DNM2: variants seen among roughly 807,000 people sequenced by gnomAD.
DNM2 encodes dynamin 2, also known as dynamin-2.
In DNM2, 15 loss-of-function variants were observed where a neutral mutation model predicts 99.0. The ratio of observed to expected loss-of-function variants is 0.15; its 90% CI spans 0.10 to 0.23. The LOEUF is 0.23. Among genes scored for constraint, DNM2 ranks in the 10% least tolerant of loss-of-function variants. DNM2 has a pLI of 1.00. For missense variants in DNM2, 742 were observed against 1,189.4 expected, an observed-to-expected ratio of 0.62 and a Z score of 5.53; for synonymous variants, 525 against 481.2, an observed-to-expected ratio of 1.09 and a Z score of -1.19.
chr19:10,782,408 A>C (rs1435313603), intron 5 of DNM2, among the ~76,000 whole-genome samples: 1 of 142,324 alleles, frequency 7.0e-6, no homozygotes, highest in Non-Finnish European at 1.5e-5. Context: ...GCCCAGGCTG[A>C]AGTGTAGTTG....
chr19:10,798,879 G>A (rs2072033740), intron 11 of DNM2, among the ~76,000 whole-genome samples: 2 of 152,012 alleles, frequency 1.3e-5, no homozygotes, highest in South Asian at 2.1e-4. Context: ...GAGCGGTTCC[G>A]TCACCTCCTA....
chr19:10,759,086 C>T (rs1210563583), intron 1 of DNM2, among the ~76,000 whole-genome samples: 5 of 152,172 alleles, frequency 3.3e-5, no homozygotes, highest in Admixed American at 6.5e-5. Context: ...GGATCACAGG[C>T]GTGGGCCACC....
rs1473647722 is a variant in DNM2, at chr19:10,775,015, C to T, written c.386-688C>T. On this transcript the variant is annotated intron_variant, in intron 3 of 20. Transcript: ENST00000389253. The surrounding 1 kb of genome is among the most constrained non-coding windows in gnomAD (Gnocchi z 4.3). ...CGAACTCCTGAGCTCAAGTGATCTA[C>T]CCATCATGGCCTCCCAAAGTGCTGG... Among the ~76,000 whole-genome samples the T allele has an allele frequency of 6.6e-6, 1 of 152,042 alleles. No individual in the cohort carries two copies. Among genetic ancestry groups the T allele is most frequent in the Non-Finnish European group, 1.5e-5 (1 of 68,010 alleles).
chr19:10,754,797 G>A (rs184847880), intron 1 of DNM2, among the ~76,000 whole-genome samples: 2 of 151,948 alleles, frequency 1.3e-5, no homozygotes, highest in Admixed American at 1.3e-4. Context: ...TCGTTATGTT[G>A]CCCAGGCTGG....
chr19:10,753,448 C>G (rs2070274489), intron 1 of DNM2, among the ~76,000 whole-genome samples: 1 of 137,514 alleles, frequency 7.3e-6, no homozygotes, highest in Non-Finnish European at 1.5e-5. Flanking sequence ...TTCCCTTTCC[C>G]TTTTCCTTCT....
chr19:10,785,870 G>A (rs1006462485), intron 6 of DNM2, among the ~76,000 whole-genome samples: 5 of 151,748 alleles, frequency 3.3e-5, no homozygotes, highest in Non-Finnish European at 5.9e-5. Flanking sequence ...GAGTGCCATT[G>A]TGTGATCTCG....
intron 1 of DNM2, among the ~76,000 whole-genome samples, chr19:10,744,374 G>A (rs1248207379): frequency 6.6e-6 from 1 of 152,132 alleles, no homozygotes; most frequent in Non-Finnish European, 1.5e-5. Flanking sequence ...AAGACCTCAA[G>A]AACGGGTCCG....
chr19:10,792,722 C>T (rs1368241351), intron 7 of DNM2, among the ~76,000 whole-genome samples: 1 of 152,100 alleles, frequency 6.6e-6, no homozygotes, highest in Non-Finnish European at 1.5e-5. Flanking sequence ...GTTCTCCTGC[C>T]TCAGCCTCCC....
chr19:10,809,268 T>C (rs2072457660), intron 14 of DNM2: 1 of 152,314 alleles, frequency 6.6e-6, no homozygotes, highest in Non-Finnish European at 1.5e-5. Flanking sequence ...GCCTCTTTCC[T>C]AGATGCTGCC....
At chr19:10,827,877 G>GA (rs984110858) in intron 18 of DNM2, among the ~76,000 whole-genome samples, 4 of 146,126 alleles carry the variant, frequency 2.7e-5, no homozygotes, top group African/African-American at 5.0e-5. Flanking sequence ...CAAAAAAAAA[G>GA]AAAAAAAAAA....
chr19:10,822,691 G>A (rs185081755), intron 16 of DNM2, among the ~76,000 whole-genome samples: 75 of 151,900 alleles, frequency 4.9e-4, no homozygotes, highest in African/African-American at 1.7e-3. Context: ...TATTGACGGG[G>A]TTTCACCATG....
At chr19:10,803,777 C>T (rs980289971) in intron 12 of DNM2, 9 of 834,042 alleles carry the variant, frequency 1.1e-5, no homozygotes, top group South Asian at 5.5e-5. Context: ...TGAAGAGCTA[C>T]GGGGTGCTCT....
At chr19:10,789,583 A>G (rs951812331) in intron 7 of DNM2, among the ~76,000 whole-genome samples, 1 of 152,106 alleles carries the variant, frequency 6.6e-6, no homozygotes, top group African/African-American at 2.4e-5. Context: ...CTGTATTCCC[A>G]GCACTTTGAG....
rs368325934 is a variant in DNM2 at position 10,829,234 on chromosome 19, G to A, written c.2257G>A (p.Asp753Asn). 8 of 1,613,838 alleles carry A rather than the reference G, an allele frequency of 5.0e-6. No homozygotes were observed. The highest frequency in any genetic ancestry group is 4.4e-5 in the South Asian group (4 of 91,090). Residue 753 changes from aspartate (D) to asparagine (N), a missense_variant, in exon 19 of 21, where the codon GAT becomes AAT. By Grantham distance (23) the Asp-to-Asn change is conservative. Transcript: ENST00000389253. ...GTCCACGCCTGTACCCCCGCCTGTC[G>A]ATGACACCTGGCTCCAGAGCGCCAG... The part of the protein sequence containing the change: ...TVSTPVPPPV[D>N]DTWLQSASSH...
At chr19:10,770,098 C>T (rs1173688752) in intron 2 of DNM2, among the ~76,000 whole-genome samples, 1 of 152,200 alleles carries the variant, frequency 6.6e-6, no homozygotes, top group African/African-American at 2.4e-5. Flanking sequence ...CGCAACGGGA[C>T]CACACGCAGG....
At chr19:10,798,446 G>T (rs369619876) in intron 10 of DNM2, 40 bp from the exon 11 acceptor site, 2 of 1,604,796 alleles carry the variant, frequency 1.2e-6, no homozygotes, top group Non-Finnish European at 1.7e-6. Flanking sequence ...CCCGTGCCAC[G>T]AGGACCCCGC....
intron 18 of DNM2, among the ~76,000 whole-genome samples, chr19:10,827,867 CA>C (rs1025651475): frequency 7.1e-6 from 1 of 140,116 alleles, no homozygotes; most frequent in Non-Finnish European, 1.6e-5. Context: ...GACTCTGTCT[CA>C]AAAAAAAAGA....
intron 18 of DNM2, among the ~76,000 whole-genome samples, chr19:10,826,142 A>G (rs1309271623): frequency 2.0e-5 from 3 of 152,202 alleles, no homozygotes; most frequent in African/African-American, 7.2e-5. Flanking sequence ...CACTGGGTCC[A>G]TAGTCCCATC....
chr19:10,772,576 C>T lies in DNM2; in HGVS notation c.333C>T (p.Thr111=). 6.2e-7 allele frequency: 1 copy of T among 1,614,186 alleles called. No homozygotes were observed. The highest frequency in any genetic ancestry group is 2.2e-5 in the East Asian group (1 of 44,882). ...CAGAGACCGACAGGGTCACGGGGAC[C>T]AACAAAGGCATCTCCCCAGTGCCCA... ...IEAETDRVTG[T]NKGISPVPIN... The change falls in exon 3 of 21, where the codon ACC becomes ACT. Residue 111 remains threonine, a synonymous_variant. Transcript: ENST00000389253. This position sits in a 1 kb window ranked among gnomAD's most constrained non-coding sequence, Gnocchi z 4.9.
Sources: allele counts gnomAD v4.1 joint callset (sites outside exome capture counted in the v4.1 genomes callset), GRCh38; gene constraint gnomAD v4.1.1; non-coding constraint Gnocchi (gnomAD v3.1); transcripts MANE v1.5; gene names NCBI Gene and HGNC (gene_info 2026-07-23, HGNC 2026-07-21).